The following IPO13 variants were observed in gnomAD, a reference collection of about 807,000 sequenced individuals.
IPO13 encodes the protein importin 13, also known as importin-13.
IPO13 carries 28 observed loss-of-function variants against 115.5 expected under a neutral mutation model. The ratio of observed to expected loss-of-function variants is 0.24; its 90% CI spans 0.18 to 0.33. IPO13 has a LOEUF of 0.33. Among genes scored for constraint, IPO13 ranks in the 10% least tolerant of loss-of-function variants. IPO13 has a pLI of 1.00. For missense variants in IPO13, 785 were observed against 1,204.6 expected (o/e 0.65, Z 5.16); for synonymous variants, 414 against 478.9 (o/e 0.86, Z 1.77).
intron 11 of IPO13, among the ~76,000 whole-genome samples, chr1:43,959,888 T>C (rs2085278013): frequency 6.6e-6 from 1 of 152,178 alleles, no homozygotes; most frequent in Non-Finnish European, 1.5e-5. Flanking sequence ...TTGGAGGAGA[T>C]AGCATCTCCA....
Position 43,966,866 on chromosome 1 carries a change from C to T in IPO13, c.2524-64C>T, listed in dbSNP as rs1346408017. On this transcript the variant is annotated intron_variant, in intron 17 of 19. Transcript: ENST00000372343. This position sits in a 1 kb window ranked among gnomAD's most constrained non-coding sequence, Gnocchi z 4.1. ...CTTCAGACAGTAGGGCTGGGGTGTACAGGTCTTGTCCTCAGGGAGAGCTGG... is the reference window on the plus strand; with the variant it reads ...CTTCAGACAGTAGGGCTGGGGTGTATAGGTCTTGTCCTCAGGGAGAGCTGG... 1 of 1,607,194 alleles carries T rather than the reference C, an allele frequency of 6.2e-7. No individual in the cohort carries two copies. The highest frequency in any genetic ancestry group is 8.5e-7 in the Non-Finnish European group (1 of 1,174,034).
At position 43,958,221 on chromosome 1, in the gene IPO13, A is replaced by G; in HGVS notation, c.1723-21A>G. 6.2e-7 allele frequency: 1 copy of G among 1,614,090 alleles called. No individual in the cohort carries two copies. The highest frequency in any genetic ancestry group is 1.1e-5 in the South Asian group (1 of 91,082). On this transcript the variant is annotated intron_variant, in intron 8 of 19. Coordinates refer to ENST00000372343, the MANE Select transcript of IPO13 (RefSeq NM_014652.4). The surrounding 1 kb of genome is among the most constrained non-coding windows in gnomAD (Gnocchi z 6.3). ...ACACTCTGCACTGTGCTGATACTAC[A>G]TTCCTTCTTTCTCCCCTCAGGATGT... is the stretch of plus-strand genomic sequence containing the variant.
Position 43,956,532 on chromosome 1 carries a change from A to G in IPO13, c.963-28A>G, listed in dbSNP as rs2085249682. 3 of 1,613,996 alleles carry G rather than the reference A, an allele frequency of 1.9e-6. No homozygotes were observed. Among genetic ancestry groups the G allele is most frequent in the South Asian group, 2.2e-5 (2 of 91,084 alleles). On this transcript the variant is annotated intron_variant, in intron 3 of 19. Transcript: ENST00000372343. This position sits in a 1 kb window ranked among gnomAD's most constrained non-coding sequence, Gnocchi z 4.7. ...AATGGGGTTCTGGAAGTCCCTGGAA[A>G]GGTAGAATGACCTGACTCTCTCCCC...
At position 43,956,911 on chromosome 1, in the gene IPO13, G is replaced by A; in HGVS notation, c.1206G>A (p.Gln402=). 6.2e-7 allele frequency: 1 copy of A among 1,614,262 alleles called. No homozygotes were observed. The change falls in exon 5 of 20, where the codon CAG becomes CAA. Residue 402 remains glutamine (Q), a synonymous_variant. Coordinates refer to ENST00000372343, the MANE Select transcript of IPO13 (RefSeq NM_014652.4). This position sits in a 1 kb window ranked among gnomAD's most constrained non-coding sequence, Gnocchi z 4.7. ...QLVDVLLHKA[Q]FPSDEEYGFW... ...TGGATGTGCTTCTGCACAAGGCCCA[G>A]TTCCCTTCTGATGAGGAATATGGAT... is the stretch of plus-strand genomic sequence containing the variant.
intron 14 of IPO13, among the ~76,000 whole-genome samples, chr1:43,963,346 C>T (rs1270880871): frequency 3.9e-5 from 6 of 152,186 alleles, no homozygotes; most frequent in African/African-American, 9.7e-5. Context: ...ACATCATATA[C>T]GTTGGGCTTG....
At chr1:43,957,117 G>A (rs1024107441) in intron 5 of IPO13, 78 bp from the exon 6 acceptor site, 1 of 1,580,106 alleles carries the variant, frequency 6.3e-7, no homozygotes, top group African/African-American at 1.4e-5. Context: ...TGGGGGTACT[G>A]GGGTAGGCTC....
chr1:43,948,103 G>C (rs1277236544), intron 1 of IPO13, among the ~76,000 whole-genome samples: 1 of 152,194 alleles, frequency 6.6e-6, no homozygotes, highest in Non-Finnish European at 1.5e-5. Flanking sequence ...AAATAATCTG[G>C]AACTAAAACA....
At chr1:43,955,104 A>G (rs916041640) in intron 2 of IPO13, among the ~76,000 whole-genome samples, 1 of 152,114 alleles carries the variant, frequency 6.6e-6, no homozygotes, top group African/African-American at 2.4e-5. Context: ...TCAGTCATCA[A>G]GTCCTGTCTG....
In IPO13 at chr1:43,958,604, G is replaced by A. The variant is rs759393477; in HGVS notation, c.1884+9G>A. The stretch of plus-strand genomic sequence containing the variant: ...AGCTGGCAGAGGAGATAGTGAGTGA[G>A]CTCTGGGGGCCAGGGAGCGGTACTG... On this transcript the variant is annotated intron_variant, in intron 10 of 19. Transcript: ENST00000372343. This position sits in a 1 kb window ranked among gnomAD's most constrained non-coding sequence, Gnocchi z 6.3. 6.2e-7 allele frequency: 1 copy of A among 1,614,058 alleles called. No individual in the cohort carries two copies. The highest frequency in any genetic ancestry group is 1.1e-5 in the South Asian group (1 of 91,080).
At position 43,949,743 on chromosome 1, in the gene IPO13, C is replaced by T. The variant is rs2240447; in HGVS notation, c.411C>T (p.Asp137=). 1,187,021 of 1,613,968 alleles carry T rather than the reference C, an allele frequency of 0.74. 453,584 individuals are homozygous for T. Among genetic ancestry groups the T allele is most frequent in the Non-Finnish European group, 0.79 (937,045 of 1,179,940 alleles). ...LASLALSMMP[D]AWPCAVADMV... ...CACTGGCTCTCAGCATGATGCCTGA[C>T]GCTTGGCCATGTGCTGTGGCAGATA... Residue 137 remains aspartate (D), a synonymous_variant, in exon 2 of 20, where the codon GAC becomes GAT. Coordinates refer to ENST00000372343, the MANE Select transcript of IPO13 (RefSeq NM_014652.4).
rs1163087196 is a variant in IPO13 at position 43,955,970 on chromosome 1, G to A, written c.822-350G>A. 2.2e-5 allele frequency among the ~76,000 whole-genome samples: 3 copies of A among 136,570 alleles called. No individual in the cohort carries two copies. The Admixed American group carries it at 2.4e-4, about 11-fold the overall frequency. 89.6% of individuals were successfully genotyped at this position (136,570 alleles called of 152,430 possible). A position where few individuals can be genotyped will look rare whatever the true frequency, so the allele number is the denominator to read the frequency against. On this transcript the variant is annotated intron_variant, in intron 2 of 19. Coordinates refer to ENST00000372343, the MANE Select transcript of IPO13 (RefSeq NM_014652.4). ...CTGAGTCTCTTGAGCTCAGGAGTTC[G>A]AGACCAGCCTGGGTAACACAGCAAA...
In IPO13 at chr1:43,957,482, C is replaced by T. The variant is rs745577104; in HGVS notation, c.1473C>T (p.Leu491=). 1.9e-6 allele frequency: 3 copies of T among 1,614,234 alleles called. No homozygotes were observed. Among genetic ancestry groups the T allele is most frequent in the Admixed American group, 3.3e-5 (2 of 60,026 alleles). ...ACTATTCTGATGTGGTGCCTGGGCT[C>T]ATTGGCCTCATCCCACGGATCAGCA... is the stretch of plus-strand genomic sequence containing the variant. ...DVNYSDVVPG[L]IGLIPRISIS... is the part of the protein sequence containing the mutation. Residue 491 remains leucine (L), a synonymous_variant, in exon 7 of 20, where the codon CTC becomes CTT. Coordinates refer to ENST00000372343, the MANE Select transcript of IPO13 (RefSeq NM_014652.4).
In IPO13 at chr1:43,956,248, A is replaced by G; in HGVS notation, c.822-72A>G. 6.5e-7 allele frequency: 1 copy of G among 1,545,884 alleles called. No individual in the cohort carries two copies. The highest frequency in any genetic ancestry group is 1.2e-5 in the South Asian group (1 of 86,918). On this transcript the variant is annotated intron_variant, in intron 2 of 19. Transcript: ENST00000372343. The surrounding 1 kb of genome is among the most constrained non-coding windows in gnomAD (Gnocchi z 4.7). The stretch of plus-strand genomic sequence containing the variant: ...AGCTTTGATGGAAGACAAGGAGATT[A>G]TGCCTTTCTCTTAAAGCCAGTGTGG...
chr1:43,949,524 G>A lies in IPO13; in HGVS notation c.192G>A (p.Gln64=). ...VSPQAWHFSW[Q]LLQPDKVPEI... is the part of the protein sequence containing the mutation. ...CACAGGCCTGGCACTTCAGCTGGCA[G>A]CTACTGCAGCCCGACAAGGTACCAG... Residue 64 remains glutamine, a synonymous_variant, in exon 2 of 20, where the codon CAG becomes CAA. Transcript: ENST00000372343. 1 of 1,614,224 alleles carries A rather than the reference G, an allele frequency of 6.2e-7. No homozygotes were observed. The highest frequency in any genetic ancestry group is 8.5e-7 in the Non-Finnish European group (1 of 1,180,030).
At chr1:43,964,070 C>T (rs1461447451) in intron 14 of IPO13, among the ~76,000 whole-genome samples, 199 bp from the exon 15 acceptor site, 2 of 152,190 alleles carry the variant, frequency 1.3e-5, no homozygotes, top group East Asian at 1.9e-4. Flanking sequence ...GGGGCAGGCC[C>T]GTCCTTCACT....
At chr1:43,948,866 C>T (rs2085186282) in intron 1 of IPO13, among the ~76,000 whole-genome samples, 1 of 152,228 alleles carries the variant, frequency 6.6e-6, no homozygotes, top group Admixed American at 6.5e-5. Flanking sequence ...TGTTCTCACC[C>T]TCTCCTCCAG....
intron 2 of IPO13, among the ~76,000 whole-genome samples, chr1:43,955,808 C>A (rs1418811326): frequency 6.6e-6 from 1 of 152,010 alleles, no homozygotes; most frequent in Middle Eastern, 3.2e-3. Context: ...ACAGTCTGCC[C>A]TCTGGTGCCC....
At chr1:43,955,863 T>G (rs1014128471) in intron 2 of IPO13, among the ~76,000 whole-genome samples, 1 of 152,044 alleles carries the variant, frequency 6.6e-6, no homozygotes, top group Non-Finnish European at 1.5e-5. Context: ...TCACTTCATC[T>G]CAATCTCCCC....
intron 2 of IPO13, among the ~76,000 whole-genome samples, chr1:43,954,191 C>G (rs962774793): frequency 6.6e-6 from 1 of 152,196 alleles, no homozygotes; most frequent in African/African-American, 2.4e-5. Flanking sequence ...TTGGCCCTGC[C>G]CCTTCTCTTT....
Sources: gnomAD v4.1 joint callset for allele counts (sites outside exome capture counted in the v4.1 genomes callset) on GRCh38, gnomAD v4.1.1 for gene constraint, Gnocchi (gnomAD v3.1) non-coding constraint, MANE v1.5 for transcripts, NCBI Gene and HGNC (gene_info 2026-07-23, HGNC 2026-07-21) for gene names.